The following ZNF704 variants were observed in gnomAD, a reference collection of about 807,000 sequenced individuals.
The protein encoded by ZNF704 is zinc finger protein 704.
A neutral mutation model predicts 44.7 loss-of-function variants in ZNF704; 10 were observed. The ratio of observed to expected loss-of-function variants is 0.22; its 90% CI spans 0.14 to 0.38. The LOEUF is 0.38. Ranked by LOEUF, ZNF704 falls within the 10% of genes least tolerant of loss-of-function variation. The pLI is 1.00. For missense variants in ZNF704, 390 were observed against 545.5 expected (o/e 0.71, Z 2.84); for synonymous variants, 211 against 207.6 (o/e 1.02, Z -0.14).
chr8:80,785,739 A>G (rs1349832438), intron 2 of ZNF704, among the ~76,000 whole-genome samples: 1 of 152,108 alleles, frequency 6.6e-6, no homozygotes, highest in Non-Finnish European at 1.5e-5. Flanking sequence ...CTGGTATTAT[A>G]AGATTCTCCA....
intron 7 of ZNF704, among the ~76,000 whole-genome samples, chr8:80,649,684 G>A (rs1358955710): frequency 1.3e-5 from 2 of 152,346 alleles, no homozygotes; most frequent in Admixed American, 6.5e-5. Flanking sequence ...ACAGGGTGGA[G>A]CCCACCACAG....
At chr8:80,746,947 C>T (rs1806856394) in intron 2 of ZNF704, among the ~76,000 whole-genome samples, 1 of 152,122 alleles carries the variant, frequency 6.6e-6, no homozygotes, top group Non-Finnish European at 1.5e-5. Flanking sequence ...TATAAAGCAG[C>T]ACTATTTCTA....
At chr8:80,881,306 C>T in the ZNF704 span, among the ~76,000 whole-genome samples, 6 of 152,154 alleles carry the variant, frequency 3.9e-5, no homozygotes, top group African/African-American at 4.8e-5. Context: ...AAGTCTTTGA[C>T]GATGTACAAA....
In ZNF704 at chr8:80,650,832, C is replaced by G. The variant is rs950912891; in HGVS notation, c.1033-7703G>C. On this transcript the variant is annotated intron_variant, in intron 7 of 8. Transcript: ENST00000327835. ...TACAGAGAATGCCACAAAGATACTC[C>G]TTGAGAAGAGCAACTCCAAGACACA... Among the ~76,000 whole-genome samples, 12 of 152,232 alleles carry G rather than the reference C, an allele frequency of 7.9e-5. No homozygotes were observed. The East Asian group carries it at 1.2e-3, about 15-fold the overall frequency.
At chr8:80,658,814 G>T (rs1818055014) in intron 7 of ZNF704, 1 of 152,206 alleles carries the variant, frequency 6.6e-6, no homozygotes, top group Non-Finnish European at 1.5e-5. Flanking sequence ...TTGACAATAA[G>T]AAGCTTTTGT....
In ZNF704 at chr8:80,629,911, A is replaced by G. The variant is rs1463500163; in HGVS notation, c.*11455T>C. Reference sequence around the variant, plus strand: ...TTTAAAGAACTGGGCACATTTTCTAACAGCCAACATTTCCCATTTATGCTT... The same window carrying G: ...TTTAAAGAACTGGGCACATTTTCTAGCAGCCAACATTTCCCATTTATGCTT... On this transcript the variant is annotated 3_prime_UTR_variant, in exon 9 of 9. Coordinates refer to ENST00000327835, the MANE Select transcript of ZNF704 (RefSeq NM_001033723.3). The G allele has an allele frequency of 6.6e-6, 1 of 152,246 alleles. No individual in the cohort carries two copies. The highest frequency in any genetic ancestry group is 1.9e-4 in the East Asian group (1 of 5,194). The allele number at this position is 152,246 out of a possible 1,614,324, so 9.4% of individuals were successfully genotyped here. A position where few individuals can be genotyped will look rare whatever the true frequency, so the allele number is the denominator to read the frequency against.
intron 1 of ZNF704, among the ~76,000 whole-genome samples, chr8:80,823,737 T>C (rs761864969): frequency 5.9e-5 from 9 of 152,114 alleles, no homozygotes; most frequent in African/African-American, 2.2e-4. Flanking sequence ...AGAGGAAGGA[T>C]CAGGCAGCAA....
intron 2 of ZNF704, among the ~76,000 whole-genome samples, chr8:80,809,549 A>T (rs1193341859): frequency 2.0e-5 from 3 of 152,188 alleles, no homozygotes; most frequent in Non-Finnish European, 1.5e-5. Context: ...AGCAGGAGAG[A>T]GCAACAAAAG....
chr8:80,804,477 T>C (rs184233208), intron 2 of ZNF704, among the ~76,000 whole-genome samples: 1 of 152,230 alleles, frequency 6.6e-6, no homozygotes, highest in African/African-American at 2.4e-5. Flanking sequence ...ATATATACCA[T>C]GGAATACTAT....
intron 2 of ZNF704, among the ~76,000 whole-genome samples, chr8:80,816,748 C>T (rs2068408714): frequency 6.6e-6 from 1 of 152,214 alleles, no homozygotes; most frequent in East Asian, 1.9e-4. Flanking sequence ...ACAGTGCTTG[C>T]TCATGTGCTC....
intron 2 of ZNF704, among the ~76,000 whole-genome samples, chr8:80,706,793 C>A (rs1483357330): frequency 6.6e-6 from 1 of 152,212 alleles, no homozygotes; most frequent in African/African-American, 2.4e-5. Flanking sequence ...TGGTTTATTT[C>A]ACCTTCAGCC....
intron 1 of ZNF704, among the ~76,000 whole-genome samples, chr8:80,824,270 C>T (rs1182916804): frequency 1.3e-5 from 2 of 152,080 alleles, no homozygotes; most frequent in African/African-American, 2.4e-5. Flanking sequence ...ACGAGAACTA[C>T]GTGACGCATG....
chr8:80,861,991 C>CTTTTTTT, intron 1 of ZNF704, among the ~76,000 whole-genome samples: 1 of 92,950 alleles, frequency 1.1e-5, no homozygotes, highest in Non-Finnish European at 2.0e-5. Flanking sequence ...AAAAAATAAC[C>CTTTTTTT]TTTTTTTTTT....
chr8:80,860,382 T>C (rs910072435), intron 1 of ZNF704, among the ~76,000 whole-genome samples: 4 of 152,196 alleles, frequency 2.6e-5, no homozygotes, highest in African/African-American at 9.7e-5. Flanking sequence ...CTTTCCAAAA[T>C]CAACCCCTTC....
chr8:80,651,372 A>G (rs938886064), intron 7 of ZNF704, among the ~76,000 whole-genome samples: 3 of 152,246 alleles, frequency 2.0e-5, no homozygotes, highest in African/African-American at 7.2e-5. Flanking sequence ...ACAGACTGGC[A>G]AATTGGATAA....
At chr8:80,782,192 C>T (rs1248055305) in intron 2 of ZNF704, among the ~76,000 whole-genome samples, 2 of 152,188 alleles carry the variant, frequency 1.3e-5, no homozygotes, top group Non-Finnish European at 2.9e-5. Flanking sequence ...GTTGCAGACA[C>T]AAGCAAGTAT....
In ZNF704 at chr8:80,693,566, G is replaced by A. The variant is rs73693824; in HGVS notation, c.222-459C>T. 3.1e-3 allele frequency among the ~76,000 whole-genome samples: 473 copies of A among 152,332 alleles called. 6 individuals are homozygous for A. Among genetic ancestry groups the A allele is most frequent in the African/African-American group, 0.011 (460 of 41,558 alleles). The stretch of plus-strand genomic sequence containing the variant: ...GTGACAGTGCCTGCCTGTAGGGGCT[G>A]CATCTAAGGTGATCAGATGTTTCTC... On this transcript the variant is annotated intron_variant, in intron 2 of 8. Transcript: ENST00000327835.
chr8:80,704,550 G>A (rs1818866115), intron 2 of ZNF704, among the ~76,000 whole-genome samples: 1 of 152,208 alleles, frequency 6.6e-6, no homozygotes, highest in Non-Finnish European at 1.5e-5. Context: ...ACCAAGCCAG[G>A]ATTAGAGGGT....
chr8:80,669,869 T>C (rs12547769), intron 5 of ZNF704, among the ~76,000 whole-genome samples: 15,852 of 152,270 alleles, frequency 0.1, 1,163 homozygotes, highest in South Asian at 0.33. Context: ...TAAACCTTCA[T>C]TTTATCTTTC....
Sources: gnomAD v4.1 joint callset for allele counts (sites outside exome capture counted in the v4.1 genomes callset) on GRCh38, gnomAD v4.1.1 for gene constraint, MANE v1.5 for transcripts, NCBI Gene and HGNC (gene_info 2026-07-23, HGNC 2026-07-21) for gene names.